The following PEAK1 variants were observed in gnomAD, a reference collection of about 807,000 sequenced individuals.
PEAK1 encodes the protein pseudopodium enriched atypical kinase 1.
A neutral mutation model predicts 124.7 loss-of-function variants in PEAK1; 54 were observed. The observed-to-expected ratio is 0.43, with a 90% CI of 0.35 to 0.54. The LOEUF is 0.54. PEAK1 is among the 20% of genes least tolerant of loss of function. PEAK1 has a pLI of 0.01. For synonymous variants in PEAK1, 719 were observed against 760.0 expected, an observed-to-expected ratio of 0.95 and a Z score of 0.89; for missense variants, 2,046 against 2,134.5, an observed-to-expected ratio of 0.96 and a Z score of 0.82.
At chr15:77,219,699 T>C (rs2059301139) in intron 6 of PEAK1, among the ~76,000 whole-genome samples, 1 of 152,098 alleles carries the variant, frequency 6.6e-6, no homozygotes, top group East Asian at 1.9e-4. Flanking sequence ...GGAAAAAGAA[T>C]AAAATATCTT....
intron 2 of PEAK1, among the ~76,000 whole-genome samples, chr15:77,319,757 C>T (rs1393337157): frequency 6.6e-6 from 1 of 152,164 alleles, no homozygotes; most frequent in Non-Finnish European, 1.5e-5. Context: ...CCCCACAAGG[C>T]TATCTGTTCT....
In PEAK1 at chr15:77,180,174, C is replaced by G; in HGVS notation, c.1753G>C (p.Val585Leu). ...ATTTCAGACAAATTAGGTGACTTAACAGGGATGGTTTTGGAGGAAATGTTT... is the reference window on the plus strand; with the variant it reads ...ATTTCAGACAAATTAGGTGACTTAAGAGGGATGGTTTTGGAGGAAATGTTT... The part of the protein sequence containing the change: ...ATNISSKTIP[V>L]KSPNLSEIKF... Residue 585 changes from valine (V) to leucine (L), a missense_variant, in exon 7 of 10, where the codon GTT becomes CTT. Coordinates refer to ENST00000682557, the MANE Select transcript of PEAK1 (RefSeq NM_001385026.1). 2 of 1,614,054 alleles carry G rather than the reference C, an allele frequency of 1.2e-6. No individual in the cohort carries two copies. Among genetic ancestry groups the G allele is most frequent in the Non-Finnish European group, 1.7e-6 (2 of 1,179,954 alleles).
intron 2 of PEAK1, chr15:77,333,764 T>C: frequency 1.1e-6 from 1 of 942,900 alleles, no homozygotes; most frequent in South Asian, 4.9e-5. Flanking sequence ...CTCTACCTTG[T>C]TCCATTCTTA....
chr15:77,183,555 C>G (rs1389650131), intron 6 of PEAK1, among the ~76,000 whole-genome samples: 1 of 152,006 alleles, frequency 6.6e-6, no homozygotes, highest in African/African-American at 2.4e-5. Flanking sequence ...TTATCCTCCC[C>G]AAAATGGAAT....
intron 5 of PEAK1, among the ~76,000 whole-genome samples, chr15:77,273,167 T>C (rs1009010355): frequency 6.6e-6 from 1 of 152,128 alleles, no homozygotes; most frequent in African/African-American, 2.4e-5. Flanking sequence ...CTATACTGAA[T>C]GGGGAAAAGT....
In PEAK1 at chr15:77,371,462, T is replaced by C. The variant is rs148133406; in HGVS notation, c.-665-6237A>G. 5.6e-5 allele frequency: 55 copies of C among 983,612 alleles called. No homozygotes were observed. In the East Asian group the frequency reaches 3.5e-3, roughly 63 times the overall value. 60.9% of individuals were successfully genotyped at this position (983,612 alleles called of 1,614,324 possible). A position where few individuals can be genotyped will look rare whatever the true frequency, so the allele number is the denominator to read the frequency against. On this transcript the variant is annotated intron_variant, in intron 1 of 9. Coordinates refer to ENST00000682557, the MANE Select transcript of PEAK1 (RefSeq NM_001385026.1). ...CTTTGAAGCAAATAATCTATTCACA[T>C]GTAACTCAGATCTTTATTGTAGCCT...
chr15:77,261,202 A>C (rs1433308942), intron 5 of PEAK1, among the ~76,000 whole-genome samples: 1 of 152,202 alleles, frequency 6.6e-6, no homozygotes, highest in Non-Finnish European at 1.5e-5. Flanking sequence ...GAAAATTCTA[A>C]AAATCAGAGC....
intron 2 of PEAK1, among the ~76,000 whole-genome samples, chr15:77,287,131 G>A (rs780377502): frequency 2.0e-5 from 3 of 152,102 alleles, no homozygotes; most frequent in Non-Finnish European, 4.4e-5. Context: ...AGATGAAAAA[G>A]ATTAAAAGGG....
intron 6 of PEAK1, among the ~76,000 whole-genome samples, chr15:77,249,465 T>C (rs2060743950): frequency 1.3e-5 from 2 of 152,234 alleles, no homozygotes; most frequent in Admixed American, 6.5e-5. Flanking sequence ...TTTCTAGTTG[T>C]GCAAATTAGA....
chr15:77,282,197 C>A (rs1309527729), intron 5 of PEAK1, among the ~76,000 whole-genome samples: 1 of 151,856 alleles, frequency 6.6e-6, no homozygotes, highest in African/African-American at 2.4e-5. Flanking sequence ...CTCCATATTT[C>A]CCTTATTGCC....
intron 6 of PEAK1, among the ~76,000 whole-genome samples, chr15:77,204,254 A>G (rs1424293009): frequency 6.6e-6 from 1 of 152,220 alleles, no homozygotes; most frequent in Non-Finnish European, 1.5e-5. Context: ...AAACCAAATG[A>G]CAGCAAGGAT....
intron 2 of PEAK1, among the ~76,000 whole-genome samples, chr15:77,318,293 G>A (rs772325588): frequency 4.6e-5 from 7 of 152,116 alleles, no homozygotes; most frequent in African/African-American, 7.2e-5. Flanking sequence ...TATGATTGGG[G>A]GTAACTGGTG....
At chr15:77,325,198 T>C (rs2065489774) in intron 2 of PEAK1, among the ~76,000 whole-genome samples, 1 of 152,044 alleles carries the variant, frequency 6.6e-6, no homozygotes, top group African/African-American at 2.4e-5. Context: ...GTGGGAGAAT[T>C]GCTGAGACTG....
chr15:77,157,760 C>T (rs536039000), intron 8 of PEAK1: 2 of 152,248 alleles, frequency 1.3e-5, no homozygotes, highest in South Asian at 2.1e-4. Flanking sequence ...TACTGTCCCC[C>T]CTCCCACTAT....
At chr15:77,418,968 TA>T (rs2073118406) in intron 1 of PEAK1, 1 of 985,256 alleles carries the variant, frequency 1.0e-6, no homozygotes, top group East Asian at 1.1e-4. Flanking sequence ...TGTAAGTCTC[TA>T]AGTATTTAAT....
At chr15:77,418,602 C>T (rs1190748707) in intron 1 of PEAK1, 1 of 985,048 alleles carries the variant, frequency 1.0e-6, no homozygotes, top group East Asian at 1.1e-4. Flanking sequence ...AAATAAGTCA[C>T]CAAAGAGAAG....
chr15:77,271,530 C>T (rs2152954955), intron 5 of PEAK1, among the ~76,000 whole-genome samples: 1 of 152,162 alleles, frequency 6.6e-6, no homozygotes, highest in Non-Finnish European at 1.5e-5. Context: ...GGTACCAACC[C>T]AAATGTCCAT....
At chr15:77,164,335 T>A (rs1333978124) in intron 7 of PEAK1, among the ~76,000 whole-genome samples, 1 of 152,176 alleles carries the variant, frequency 6.6e-6, no homozygotes, top group Non-Finnish European at 1.5e-5. Context: ...ATCTGATGAG[T>A]TCTGCTAATA....
rs2060923274 is a variant in PEAK1, at chr15:77,252,468, G to A, written c.-216C>T. 1.0e-6 allele frequency: 1 copy of A among 984,908 alleles called. No homozygotes were observed. Among genetic ancestry groups the A allele is most frequent in the Admixed American group, 6.1e-5 (1 of 16,276 alleles). The allele number at this position is 984,908 out of a possible 1,614,324, so 61.0% of individuals were successfully genotyped here. On this transcript the variant is annotated 5_prime_UTR_variant, in exon 6 of 10. Coordinates refer to ENST00000682557, the MANE Select transcript of PEAK1 (RefSeq NM_001385026.1). ...TTCAAGGTGCTTTGGGTCTTTCCAA[G>A]ATGAATGTCCTTTCTTCCTTGCCTC... is the stretch of plus-strand genomic sequence containing the variant.
Sources: gnomAD v4.1 joint callset for allele counts (sites outside exome capture counted in the v4.1 genomes callset) on GRCh38, gnomAD v4.1.1 for gene constraint, MANE v1.5 for transcripts, NCBI Gene and HGNC (gene_info 2026-07-23, HGNC 2026-07-21) for gene names.